The following SLC25A21 variants were observed in gnomAD, a reference collection of about 807,000 sequenced individuals.
The protein encoded by SLC25A21 is solute carrier family 25 member 21.
Under a neutral mutation model 43.8 loss-of-function variants are expected in SLC25A21, and 47 were observed. The ratio of observed to expected loss-of-function variants is 1.07; its 90% CI spans 0.85 to 1.37. SLC25A21 has a LOEUF of 1.37. Ranked by LOEUF, SLC25A21 falls within the 40% of genes most tolerant of loss-of-function variation. The pLI is 0.00. For missense variants in SLC25A21, 352 were observed against 350.2 expected (o/e 1.00, Z -0.04); for synonymous variants, 131 against 121.3 (o/e 1.08, Z -0.52).
chr14:36,799,398 A>C (rs1009555064), intron 3 of SLC25A21, among the ~76,000 whole-genome samples: 1 of 152,176 alleles, frequency 6.6e-6, no homozygotes, highest in African/African-American at 2.4e-5. Flanking sequence ...GGAACATTCT[A>C]TTCACCATGG....
At chr14:36,762,906 C>G (rs1008554204) in intron 3 of SLC25A21, among the ~76,000 whole-genome samples, 1 of 152,120 alleles carries the variant, frequency 6.6e-6, no homozygotes, top group African/African-American at 2.4e-5. Flanking sequence ...TTGAATTAAT[C>G]CAACATACTT....
chr14:37,070,115 T>A (rs1222073454), intron 1 of SLC25A21, among the ~76,000 whole-genome samples: 2 of 152,066 alleles, frequency 1.3e-5, no homozygotes, highest in African/African-American at 4.8e-5. Flanking sequence ...GGATCCAGGG[T>A]TTTGTTTTGT....
intron 3 of SLC25A21, among the ~76,000 whole-genome samples, chr14:36,789,161 T>C (rs2138394704): frequency 6.6e-6 from 1 of 152,326 alleles, no homozygotes. Flanking sequence ...CAGAAATAAA[T>C]AACTTTTCAG....
intron 1 of SLC25A21, among the ~76,000 whole-genome samples, chr14:37,003,625 T>C (rs1254110400): frequency 6.6e-6 from 1 of 152,204 alleles, no homozygotes; most frequent in Non-Finnish European, 1.5e-5. Context: ...ATTAATTTCA[T>C]AGACATCATG....
chr14:36,775,013 T>G (rs1478074891), intron 3 of SLC25A21, among the ~76,000 whole-genome samples: 1 of 152,206 alleles, frequency 6.6e-6, no homozygotes, highest in Non-Finnish European at 1.5e-5. Context: ...TACAATATAA[T>G]TTTAATCACT....
intron 2 of SLC25A21, among the ~76,000 whole-genome samples, chr14:36,850,882 A>T (rs1889707297): frequency 6.6e-6 from 1 of 152,170 alleles, no homozygotes; most frequent in African/African-American, 2.4e-5. Context: ...TTAATGCATA[A>T]TATAGGGAGT....
At chr14:36,697,967 T>G (rs1883109607) in intron 7 of SLC25A21, among the ~76,000 whole-genome samples, 1 of 152,212 alleles carries the variant, frequency 6.6e-6, no homozygotes, top group African/African-American at 2.4e-5. Flanking sequence ...TGATGTTAGC[T>G]GGCTACTTTG....
chr14:36,901,456 A>C (rs1891397596), intron 1 of SLC25A21, among the ~76,000 whole-genome samples: 1 of 152,198 alleles, frequency 6.6e-6, no homozygotes, highest in African/African-American at 2.4e-5. Flanking sequence ...TTAGAGGATA[A>C]GATGTACTTT....
intron 1 of SLC25A21, among the ~76,000 whole-genome samples, chr14:37,029,493 G>A (rs1961162782): frequency 6.6e-6 from 1 of 152,118 alleles, no homozygotes; most frequent in Non-Finnish European, 1.5e-5. Context: ...CTTAAACAGT[G>A]CATCTTTAAT....
At chr14:36,749,913 C>A (rs1885640448) in intron 3 of SLC25A21, among the ~76,000 whole-genome samples, 1 of 152,186 alleles carries the variant, frequency 6.6e-6, no homozygotes, top group South Asian at 2.1e-4. Context: ...TCCCTTGGAA[C>A]ATGCTTTATG....
chr14:37,076,585 T>A (rs1962286014), intron 1 of SLC25A21, among the ~76,000 whole-genome samples: 1 of 150,142 alleles, frequency 6.7e-6, no homozygotes, highest in Non-Finnish European at 1.5e-5. Context: ...GCCTCCCAGG[T>A]TCAAGCGATT....
At chr14:37,109,180 T>C (rs2415386) in intron 1 of SLC25A21, among the ~76,000 whole-genome samples, 142,652 of 152,196 alleles carry the variant, frequency 0.94, 67,010 homozygotes, top group East Asian at 1. Flanking sequence ...GATCATGCAG[T>C]ACTACATCAT....
At chr14:36,792,427 GGAGGCA>G (rs1160292376) in intron 3 of SLC25A21, among the ~76,000 whole-genome samples, 1 of 152,122 alleles carries the variant, frequency 6.6e-6, no homozygotes, top group African/African-American at 2.4e-5. Flanking sequence ...CCTGTTAATG[GGAGGCA>G]GACCACAGGG....
At chr14:37,132,190 T>G (rs1386292100) in intron 1 of SLC25A21, among the ~76,000 whole-genome samples, 1 of 152,174 alleles carries the variant, frequency 6.6e-6, no homozygotes, top group East Asian at 1.9e-4. Context: ...CAAATGCCAT[T>G]AATCCATTCA....
chr14:36,954,580 A>T (rs1198967761), intron 1 of SLC25A21, among the ~76,000 whole-genome samples: 1 of 152,064 alleles, frequency 6.6e-6, no homozygotes, highest in Non-Finnish European at 1.5e-5. Flanking sequence ...GTATAATATG[A>T]TGTTCTGAAA....
chr14:37,133,810 G>A (rs1049721987), intron 1 of SLC25A21, among the ~76,000 whole-genome samples: 1 of 152,032 alleles, frequency 6.6e-6, no homozygotes, highest in Admixed American at 6.6e-5. Context: ...CTGCCTACAT[G>A]TTCTTGTTTG....
chr14:36,939,253 A>G (rs950482467), intron 1 of SLC25A21, among the ~76,000 whole-genome samples: 1 of 152,034 alleles, frequency 6.6e-6, no homozygotes. Flanking sequence ...TTCTAAAAAA[A>G]GTCGGGTTGG....
rs1205454017 is a variant in SLC25A21, at chr14:37,146,443, C to T, written c.70+25838G>A. On this transcript the variant is annotated intron_variant, in intron 1 of 9. Coordinates refer to ENST00000331299, the MANE Select transcript of SLC25A21 (RefSeq NM_030631.4). ...TGTATTTTTAGTAGAAACAGACTTT[C>T]ACCATGTTACCCAGCCTGGTCTCTA... 2.0e-5 allele frequency among the ~76,000 whole-genome samples: 3 copies of T among 152,106 alleles called. No individual in the cohort carries two copies. In the East Asian group the frequency reaches 5.8e-4, roughly 29 times the overall value.
intron 7 of SLC25A21, among the ~76,000 whole-genome samples, chr14:36,706,795 C>T (rs189287320): frequency 2.2e-4 from 33 of 152,250 alleles, no homozygotes; most frequent in African/African-American, 7.2e-4. Context: ...CCCCCATGGA[C>T]GCTATAGTCC....
Sources: gnomAD v4.1 joint callset for allele counts (sites outside exome capture counted in the v4.1 genomes callset) on GRCh38, gnomAD v4.1.1 for gene constraint, MANE v1.5 for transcripts, NCBI Gene and HGNC (gene_info 2026-07-23, HGNC 2026-07-21) for gene names.